The following CTNND2 variants were observed in gnomAD, a reference collection of about 807,000 sequenced individuals.
CTNND2 encodes the protein catenin delta 2.
Under a neutral mutation model 144.4 loss-of-function variants are expected in CTNND2, and 22 were observed. The observed-to-expected ratio is 0.15, with a 90% CI of 0.11 to 0.22. The LOEUF is 0.22. Ranked by LOEUF, CTNND2 falls within the 10% of genes least tolerant of loss-of-function variation. CTNND2 has a pLI of 1.00. For synonymous variants in CTNND2, 751 were observed against 695.6 expected (o/e 1.08, Z -1.25); for missense variants, 1,353 against 1,618.8 (o/e 0.84, Z 2.82).
At chr5:11,089,539 T>C (rs1750545493) in intron 15 of CTNND2, among the ~76,000 whole-genome samples, 1 of 152,216 alleles carries the variant, frequency 6.6e-6, no homozygotes, top group African/African-American at 2.4e-5. Flanking sequence ...CAGTTGGAGA[T>C]TTTAAACTGT....
chr5:11,035,874 AG>A (rs1744015972), intron 16 of CTNND2, among the ~76,000 whole-genome samples: 2 of 152,060 alleles, frequency 1.3e-5, no homozygotes, highest in African/African-American at 4.8e-5. Flanking sequence ...AAACAATGAA[AG>A]GTGTCACAGT....
At chr5:11,541,449 C>T (rs1293172297) in intron 3 of CTNND2, among the ~76,000 whole-genome samples, 2 of 152,110 alleles carry the variant, frequency 1.3e-5, no homozygotes, top group East Asian at 1.9e-4. Flanking sequence ...CCTGTTTCTT[C>T]GATCTCCTCA....
rs569273608 is a variant in CTNND2, at chr5:11,462,577, A to C, written c.288-50508T>G. ...TTTTTTTCCCCAGAGTAACAGAAGA[A>C]TATAGAAACAGGTTACGATGAGGAG... is the stretch of plus-strand genomic sequence containing the variant. On this transcript the variant is annotated intron_variant, in intron 3 of 21. Transcript: ENST00000304623. Among the ~76,000 whole-genome samples, 5 of 152,238 alleles carry C rather than the reference A, an allele frequency of 3.3e-5. No individual in the cohort carries two copies. The South Asian group carries it at 1.0e-3, about 32-fold the overall frequency.
intron 11 of CTNND2, among the ~76,000 whole-genome samples, chr5:11,165,476 G>A (rs939311048): frequency 1.3e-5 from 2 of 152,264 alleles, no homozygotes; most frequent in Middle Eastern, 3.4e-3. Context: ...TAATATTTTG[G>A]TTGATGGTCA....
intron 3 of CTNND2, among the ~76,000 whole-genome samples, chr5:11,418,224 T>C (rs866882698): frequency 3.9e-4 from 60 of 152,106 alleles, no homozygotes; most frequent in African/African-American, 1.3e-3. Context: ...CTTACCATCA[T>C]GGAGAAACCC....
At chr5:11,288,090 T>C (rs577935812) in intron 9 of CTNND2, among the ~76,000 whole-genome samples, 5 of 152,326 alleles carry the variant, frequency 3.3e-5, no homozygotes, top group African/African-American at 1.2e-4. Context: ...GCATTCTAAG[T>C]TATTAAACTA....
intron 14 of CTNND2, among the ~76,000 whole-genome samples, chr5:11,101,476 A>G (rs1046853580): frequency 1.3e-5 from 2 of 152,110 alleles, no homozygotes; most frequent in African/African-American, 4.8e-5. Context: ...GGGATATACA[A>G]CTCTTGCACC....
chr5:11,669,848 T>C (rs2561607), intron 2 of CTNND2, among the ~76,000 whole-genome samples: 27,275 of 152,006 alleles, frequency 0.18, 4,284 homozygotes, highest in African/African-American at 0.42. Context: ...TGTTAGGGAG[T>C]TGATTTTAGA....
intron 6 of CTNND2, among the ~76,000 whole-genome samples, chr5:11,389,430 A>G (rs1165100798): frequency 1.3e-5 from 2 of 152,230 alleles, no homozygotes; most frequent in Non-Finnish European, 2.9e-5. Context: ...ATCTGTATAC[A>G]TATGTTTCAG....
intron 16 of CTNND2, among the ~76,000 whole-genome samples, chr5:11,080,940 G>A (rs573823765): frequency 2.7e-4 from 41 of 152,272 alleles, no homozygotes; most frequent in African/African-American, 9.4e-4. Flanking sequence ...AGTTGGGCAT[G>A]GTGGCACGTG....
intron 2 of CTNND2, among the ~76,000 whole-genome samples, chr5:11,602,474 GCACTGC>G (rs1487581916): frequency 1.3e-5 from 2 of 151,732 alleles, no homozygotes; most frequent in Admixed American, 1.3e-4. Flanking sequence ...AGAAACAAGG[GCACTGC>G]CCTTTGGCCA....
chr5:11,659,140 A>T (rs908690931), intron 2 of CTNND2, among the ~76,000 whole-genome samples: 1 of 152,218 alleles, frequency 6.6e-6, no homozygotes, highest in Non-Finnish European at 1.5e-5. Context: ...AAAATTTTAA[A>T]AATAAAACAA....
At chr5:11,626,793 C>T (rs943746136) in intron 2 of CTNND2, among the ~76,000 whole-genome samples, 2 of 152,118 alleles carry the variant, frequency 1.3e-5, no homozygotes, top group Admixed American at 6.5e-5. Flanking sequence ...ACACGCAAAT[C>T]GGAAAAGTAC....
chr5:11,783,311 C>G lies in CTNND2; in HGVS notation c.38-51039G>C, dbSNP rs1581877560. On this transcript the variant is annotated intron_variant, in intron 1 of 21. Transcript: ENST00000304623. ...AACTGTCTAATATGCACTATTATTT[C>G]ATCTTGACAGCTCTCCCCATTTGCT... 2.6e-5 allele frequency among the ~76,000 whole-genome samples: 4 copies of G among 152,198 alleles called. No individual in the cohort carries two copies. The South Asian group carries it at 8.3e-4, about 32-fold the overall frequency.
chr5:11,073,824 A>C (rs907198406), intron 16 of CTNND2, among the ~76,000 whole-genome samples: 1 of 152,236 alleles, frequency 6.6e-6, no homozygotes, highest in Non-Finnish European at 1.5e-5. Context: ...TGTGAAATCA[A>C]GTTATTAAAA....
chr5:11,385,649 C>A (rs1474702900), intron 6 of CTNND2: 3 of 152,142 alleles, frequency 2.0e-5, no homozygotes, highest in South Asian at 2.1e-4. Flanking sequence ...TTCTGTCCCC[C>A]ACTCCCCACC....
intron 3 of CTNND2, among the ~76,000 whole-genome samples, chr5:11,465,552 C>T (rs1766594830): frequency 6.6e-6 from 1 of 152,144 alleles, no homozygotes; most frequent in Non-Finnish European, 1.5e-5. Flanking sequence ...TTTATTTTTG[C>T]CAGACTGACT....
intron 1 of CTNND2, among the ~76,000 whole-genome samples, chr5:11,768,842 C>T (rs1383754953): frequency 6.6e-6 from 1 of 152,156 alleles, no homozygotes; most frequent in East Asian, 1.9e-4. Flanking sequence ...GTTCCTTCTC[C>T]ATCTTTCAAA....
chr5:11,694,837 G>A (rs1174687888), intron 2 of CTNND2, among the ~76,000 whole-genome samples: 1 of 151,838 alleles, frequency 6.6e-6, no homozygotes, highest in Non-Finnish European at 1.5e-5. Flanking sequence ...AGTACGTGCT[G>A]AAAAGAAAAA....
Sources: gnomAD v4.1 joint callset for allele counts (sites outside exome capture counted in the v4.1 genomes callset) on GRCh38, gnomAD v4.1.1 for gene constraint, MANE v1.5 for transcripts, NCBI Gene and HGNC (gene_info 2026-07-23, HGNC 2026-07-21) for gene names.